The following ABCD2 variants were observed in gnomAD, a reference collection of about 807,000 sequenced individuals.
The protein encoded by ABCD2 is ATP-binding cassette sub-family D member 2.
In ABCD2, 36 loss-of-function variants were observed where a neutral mutation model predicts 70.9. The observed-to-expected ratio is 0.51, with a 90% confidence interval of 0.39 to 0.67. The LOEUF (loss-of-function observed/expected upper bound fraction) is 0.67. Ranked by LOEUF, ABCD2 falls within the 30% of genes least tolerant of loss-of-function variation. The pLI is 0.00. For synonymous variants in ABCD2, 304 were observed against 306.9 expected (o/e 0.99, Z 0.10); for missense variants, 729 against 890.2 (o/e 0.82, Z 2.30).
intron 9 of ABCD2, among the ~76,000 whole-genome samples, chr12:39,556,195 G>A (rs528409226): frequency 4.6e-5 from 7 of 152,270 alleles, no homozygotes; most frequent in African/African-American, 1.7e-4. Flanking sequence ...AGAATAAAGT[G>A]CCAGTGACTG....
chr12:39,571,113 C>T (rs897607009), intron 9 of ABCD2, among the ~76,000 whole-genome samples: 1 of 152,096 alleles, frequency 6.6e-6, no homozygotes, highest in African/African-American at 2.4e-5. Context: ...CTCTTACACA[C>T]CTTTGGTGGG....
intron 5 of ABCD2, among the ~76,000 whole-genome samples, chr12:39,602,569 G>C (rs1941914681): frequency 6.6e-6 from 1 of 152,078 alleles, no homozygotes; most frequent in South Asian, 2.1e-4. Context: ...TTAGGGACCT[G>C]AGAATTTAAA....
chr12:39,543,101 C>G, the ABCD2 span, among the ~76,000 whole-genome samples: 1 of 152,096 alleles, frequency 6.6e-6, no homozygotes, highest in Non-Finnish European at 1.5e-5. Context: ...TGGAATTTTG[C>G]CAGATGGGTA....
At position 39,586,178 on chromosome 12, in the gene ABCD2, A is replaced by T. The variant is rs1941663633; in HGVS notation, c.1766T>A (p.Leu589His). 6.2e-7 allele frequency: 1 copy of T among 1,612,912 alleles called. No homozygotes were observed. The highest frequency in any genetic ancestry group is 8.5e-7 in the Non-Finnish European group (1 of 1,179,398). Residue 589 changes from leucine to histidine, a missense_variant, in exon 7 of 10, where the codon CTC becomes CAC. Leu to His is a moderately conservative substitution (Grantham distance 99). Coordinates refer to ENST00000308666, the MANE Select transcript of ABCD2 (RefSeq NM_005164.4). ...TCCTTCTCTTTGAACTATGTGATAG[A>T]GATGGACATTGTGTAGGATACGTTC... ...DLERILHNVH[L>H]YHIVQREGGW...
At chr12:39,567,234 TA>T (rs1023483429) in intron 9 of ABCD2, among the ~76,000 whole-genome samples, 9 of 152,340 alleles carry the variant, frequency 5.9e-5, no homozygotes, top group African/African-American at 2.2e-4. Context: ...AGTGGGGTGT[TA>T]AACTCTCCCA....
intron 6 of ABCD2, among the ~76,000 whole-genome samples, chr12:39,596,717 G>A (rs901321093): frequency 6.6e-6 from 1 of 152,030 alleles, no homozygotes; most frequent in Admixed American, 6.6e-5. Context: ...AGAAAATTAC[G>A]ATTAAAATTT....
chr12:39,566,984 T>C (rs1197935643), intron 9 of ABCD2, among the ~76,000 whole-genome samples: 3 of 152,270 alleles, frequency 2.0e-5, no homozygotes, highest in Admixed American at 2.0e-4. Flanking sequence ...GATTGCACTG[T>C]GGTCTGAGAG....
At chr12:39,601,701 GATACCAAT>G (rs1207927482) in intron 5 of ABCD2, among the ~76,000 whole-genome samples, 9 of 151,868 alleles carry the variant, frequency 5.9e-5, no homozygotes, top group Admixed American at 5.9e-4. Context: ...GTATAGAAAG[GATACCAAT>G]ATTCAAGTAT....
chr12:39,599,362 A>G (rs1392897900), intron 6 of ABCD2, among the ~76,000 whole-genome samples: 1 of 152,218 alleles, frequency 6.6e-6, no homozygotes, highest in Non-Finnish European at 1.5e-5. Context: ...AAAAAAGTAA[A>G]ATCAACCTAC....
chr12:39,589,656 G>A (rs1219700166), intron 6 of ABCD2, among the ~76,000 whole-genome samples: 1 of 151,804 alleles, frequency 6.6e-6, no homozygotes, highest in Non-Finnish European at 1.5e-5. Context: ...CAAAGTGCTG[G>A]GATTACAGGT....
At chr12:39,605,001 A>C in intron 3 of ABCD2, 71 bp from the exon 4 acceptor site, 5 of 1,245,316 alleles carry the variant, frequency 4.0e-6, no homozygotes, top group Non-Finnish European at 5.4e-6. Flanking sequence ...ATATGTAATC[A>C]GATAAGCTTC....
At chr12:39,560,947 GA>G (rs1941248315) in intron 9 of ABCD2, among the ~76,000 whole-genome samples, 1 of 151,970 alleles carries the variant, frequency 6.6e-6, no homozygotes, top group African/African-American at 2.4e-5. Flanking sequence ...TATTACTAAA[GA>G]AAATCACTTA....
In ABCD2 at chr12:39,551,442, A is replaced by G. The variant is rs1359644784; in HGVS notation, c.*2470T>C. The G allele has an allele frequency of 1.3e-5, 2 of 151,660 alleles. No homozygotes were observed. The highest frequency in any genetic ancestry group is 1.9e-4 in the East Asian group (1 of 5,164). 9.4% of individuals were successfully genotyped at this position (151,660 alleles called of 1,614,324 possible). On this transcript the variant is annotated 3_prime_UTR_variant, in exon 10 of 10. Transcript: ENST00000308666. Reference sequence around the variant, plus strand: ...AATGGCTAGTTTCTCAGTCTTTTTCATGTTTTCCGTAAAATATAAGAGTAG... The same window carrying G: ...AATGGCTAGTTTCTCAGTCTTTTTCGTGTTTTCCGTAAAATATAAGAGTAG...
At chr12:39,532,087 G>T in the ABCD2 span, among the ~76,000 whole-genome samples, 1 of 152,206 alleles carries the variant, frequency 6.6e-6, no homozygotes, top group East Asian at 1.9e-4. Flanking sequence ...TAGAAAGAAG[G>T]CATCAAAATG....
downstream of ABCD2, among the ~76,000 whole-genome samples, chr12:39,545,405 G>T (rs781066599): frequency 1.3e-5 from 2 of 151,922 alleles, no homozygotes; most frequent in Non-Finnish European, 2.9e-5. Flanking sequence ...CGATTCTCCC[G>T]CCTCACAACA....
chr12:39,569,160 A>T (rs1941407328), intron 9 of ABCD2, among the ~76,000 whole-genome samples: 1 of 152,222 alleles, frequency 6.6e-6, no homozygotes, highest in African/African-American at 2.4e-5. Context: ...AAGTTGTCAG[A>T]CAGGGACATT....
Position 39,606,167 on chromosome 12 carries a change from A to G in ABCD2, c.1237-1237T>C, listed in dbSNP as rs375469844. 2.2e-4 allele frequency among the ~76,000 whole-genome samples: 33 copies of G among 152,302 alleles called. No homozygotes were observed. The East Asian group carries it at 2.9e-3, about 13-fold the overall frequency. On this transcript the variant is annotated intron_variant, in intron 3 of 9. Transcript: ENST00000308666. Reference sequence around the variant, plus strand: ...GTCAATTCAAGAAAGGCAGGAGGCAATGAGTCAGTGGATCAGGATGGAATG... The same window carrying G: ...GTCAATTCAAGAAAGGCAGGAGGCAGTGAGTCAGTGGATCAGGATGGAATG...
At chr12:39,599,130 T>G (rs1363693314) in intron 6 of ABCD2, among the ~76,000 whole-genome samples, 1 of 152,230 alleles carries the variant, frequency 6.6e-6, no homozygotes, top group Non-Finnish European at 1.5e-5. Context: ...TAGTGATTTT[T>G]GTTTGTTGCA....
intron 9 of ABCD2, among the ~76,000 whole-genome samples, chr12:39,569,410 T>C (rs1941412596): frequency 6.6e-6 from 1 of 152,218 alleles, no homozygotes; most frequent in Admixed American, 6.5e-5. Context: ...TCCGTGGGCA[T>C]AGTACCCTCC....
Sources: allele counts gnomAD v4.1 joint callset (sites outside exome capture counted in the v4.1 genomes callset), GRCh38; gene constraint gnomAD v4.1.1; transcripts MANE v1.5; gene names NCBI Gene and HGNC (gene_info 2026-07-23, HGNC 2026-07-21).